SH3BP4: variants seen among roughly 807,000 people sequenced by gnomAD.
SH3BP4 encodes the protein SH3 domain binding protein 4, also known as SH3 domain-binding protein 4.
In SH3BP4, 33 loss-of-function variants were observed where a neutral mutation model predicts 65.5. The ratio of observed to expected loss-of-function variants is 0.50; its 90% CI spans 0.38 to 0.67. The LOEUF (loss-of-function observed/expected upper bound fraction) is 0.67, where lower values mean the gene tolerates loss of function less well. SH3BP4 is among the 30% of genes least tolerant of loss of function. The pLI, the probability that SH3BP4 is intolerant of heterozygous loss-of-function variation, is 0.00. For synonymous variants in SH3BP4, 552 were observed against 545.5 expected (o/e 1.01, Z -0.17); for missense variants, 1,134 against 1,261.4 (o/e 0.90, Z 1.53).
intron 1 of SH3BP4, among the ~76,000 whole-genome samples, chr2:234,956,064 A>G (rs1692580173): frequency 6.6e-6 from 1 of 152,184 alleles, no homozygotes; most frequent in Non-Finnish European, 1.5e-5. Flanking sequence ...CCCTCACACA[A>G]TTAGAAAATA....
At chr2:235,039,812 G>A (rs10803631) in intron 3 of SH3BP4, among the ~76,000 whole-genome samples, 32,988 of 152,174 alleles carry the variant, frequency 0.22, 5,146 homozygotes, top group East Asian at 0.42. Context: ...TTCACTTTTT[G>A]AAGGGTTGGA....
At chr2:235,008,489 G>A (rs930502915) in intron 2 of SH3BP4, 6 of 152,238 alleles carry the variant, frequency 3.9e-5, no homozygotes, top group African/African-American at 1.4e-4. Context: ...TCTCCTTGTA[G>A]GTGGTTATTT....
At chr2:235,012,709 C>G (rs529758029) in intron 2 of SH3BP4, among the ~76,000 whole-genome samples, 1 of 152,342 alleles carries the variant, frequency 6.6e-6, no homozygotes, top group South Asian at 2.1e-4. Flanking sequence ...TTACGCACAT[C>G]TAACCCTAAA....
At chr2:234,981,088 A>G (rs1228447586) in intron 1 of SH3BP4, among the ~76,000 whole-genome samples, 1 of 152,180 alleles carries the variant, frequency 6.6e-6, no homozygotes, top group Non-Finnish European at 1.5e-5. Context: ...CATTGCAGAC[A>G]CTGCATCCCG....
intron 2 of SH3BP4, among the ~76,000 whole-genome samples, chr2:235,011,239 C>T (rs1694494752): frequency 6.8e-6 from 1 of 147,074 alleles, no homozygotes; most frequent in Non-Finnish European, 1.5e-5. Flanking sequence ...GAGAACCCTT[C>T]CTCTCTCTCC....
intron 1 of SH3BP4, among the ~76,000 whole-genome samples, chr2:234,956,442 T>C (rs1362437276): frequency 1.3e-5 from 2 of 152,258 alleles, no homozygotes; most frequent in Non-Finnish European, 2.9e-5. Context: ...GAGCTCTCTT[T>C]GCTGAAGCCT....
chr2:234,973,434 G>A (rs1011691255), intron 1 of SH3BP4, among the ~76,000 whole-genome samples: 4 of 152,148 alleles, frequency 2.6e-5, no homozygotes, highest in African/African-American at 7.2e-5. Context: ...TAAGCAGTAT[G>A]TACAGCCTCA....
Position 235,035,873 on chromosome 2 carries a change from T to A in SH3BP4, c.118+753T>A, listed in dbSNP as rs1695362842. ...GCCACGTTCAGTCTCTCTCACATGCTCCTTTGGGGCTTGGCAGTTGCGGTG... is the reference window on the plus strand; with the variant it reads ...GCCACGTTCAGTCTCTCTCACATGCACCTTTGGGGCTTGGCAGTTGCGGTG... On this transcript the variant is annotated intron_variant, in intron 3 of 5. Coordinates refer to ENST00000392011, the MANE Select transcript of SH3BP4 (RefSeq NM_014521.3). This position sits in a 1 kb window ranked among gnomAD's most constrained non-coding sequence, Gnocchi z 5.0. Among the ~76,000 whole-genome samples, 1 of 152,220 alleles carries A rather than the reference T, an allele frequency of 6.6e-6. No homozygotes were observed.
intron 4 of SH3BP4, among the ~76,000 whole-genome samples, chr2:235,044,882 G>A (rs1695793752): frequency 6.6e-6 from 1 of 152,224 alleles, no homozygotes; most frequent in South Asian, 2.1e-4. Flanking sequence ...GGAGCCACGA[G>A]ATTGCCCAGG....
chr2:235,009,900 C>A (rs1013867236), intron 2 of SH3BP4, among the ~76,000 whole-genome samples: 3 of 152,092 alleles, frequency 2.0e-5, no homozygotes, highest in Non-Finnish European at 2.9e-5. Flanking sequence ...CCATGTCACC[C>A]CCAGGACCTT....
At chr2:234,989,945 C>T (rs11676401) in intron 1 of SH3BP4, among the ~76,000 whole-genome samples, 8 of 152,114 alleles carry the variant, frequency 5.3e-5, no homozygotes, top group African/African-American at 1.7e-4. Flanking sequence ...TTTTCAGCAC[C>T]AACGTGATGC....
Position 235,042,707 on chromosome 2 carries a change from G to T in SH3BP4, c.1938G>T (p.Pro646=). 6.2e-7 allele frequency: 1 copy of T among 1,614,202 alleles called. No homozygotes were observed. The highest frequency in any genetic ancestry group is 8.5e-7 in the Non-Finnish European group (1 of 1,180,038). ...CGTTTGCCACCACTACAAAGTACCC[G>T]ACTTTCCAGGACCGCCCGGTGTCCA... ...LSPFATTTKY[P]TFQDRPVSSL... is the part of the protein sequence containing the mutation. The change falls in exon 4 of 6, where the codon CCG becomes CCT. Residue 646 remains proline (P), a synonymous_variant. Transcript: ENST00000392011. This position sits in a 1 kb window ranked among gnomAD's most constrained non-coding sequence, Gnocchi z 7.3.
chr2:235,013,097 G>C (rs1053513495), intron 2 of SH3BP4, among the ~76,000 whole-genome samples: 4 of 152,218 alleles, frequency 2.6e-5, no homozygotes, highest in Admixed American at 6.5e-5. Context: ...TCTTTTCCCA[G>C]AATGAATCTT....
At chr2:234,999,215 T>G (rs999557296) in intron 2 of SH3BP4, among the ~76,000 whole-genome samples, 5 of 152,184 alleles carry the variant, frequency 3.3e-5, no homozygotes, top group African/African-American at 1.2e-4. Context: ...GAGAGGCTTG[T>G]TTTGTGGTGT....
chr2:234,990,549 G>A (rs1312471738), intron 1 of SH3BP4, among the ~76,000 whole-genome samples: 2 of 152,198 alleles, frequency 1.3e-5, no homozygotes, highest in Non-Finnish European at 2.9e-5. Flanking sequence ...AACTCATGCG[G>A]GTCTGGCCCT....
chr2:235,036,021 CCTAA>C (rs1263444547), intron 3 of SH3BP4, among the ~76,000 whole-genome samples: 2 of 152,208 alleles, frequency 1.3e-5, no homozygotes, highest in Non-Finnish European at 2.9e-5. Flanking sequence ...TCGGCCCCAG[CCTAA>C]AGTCAGTGCT....
intron 4 of SH3BP4, among the ~76,000 whole-genome samples, chr2:235,048,524 A>G (rs2106341888): frequency 6.6e-6 from 1 of 150,528 alleles, no homozygotes; most frequent in South Asian, 2.1e-4. Flanking sequence ...TCTGTAGTAG[A>G]GACAAGGTTT....
At position 235,042,282 on chromosome 2, in the gene SH3BP4, C is replaced by T; in HGVS notation, c.1513C>T (p.Leu505=). The T allele has an allele frequency of 1.2e-6, 2 of 1,614,212 alleles. No individual in the cohort carries two copies. Among genetic ancestry groups the T allele is most frequent in the East Asian group, 2.2e-5 (1 of 44,874 alleles). Residue 505 remains leucine (L), a synonymous_variant, in exon 4 of 6, where the codon CTG becomes TTG. Coordinates refer to ENST00000392011, the MANE Select transcript of SH3BP4 (RefSeq NM_014521.3). This position sits in a 1 kb window ranked among gnomAD's most constrained non-coding sequence, Gnocchi z 7.3. The part of the protein sequence containing the change: ...FGHDCAPKTL[L]VSEVTRQAPN... ...GCATGACTGTGCCCCAAAGACGCTC[C>T]TGGTCAGCGAGGTCACACGCCAGGC...
chr2:234,985,525 A>C (rs928059903), intron 1 of SH3BP4, among the ~76,000 whole-genome samples: 1 of 152,192 alleles, frequency 6.6e-6, no homozygotes, highest in African/African-American at 2.4e-5. Flanking sequence ...CAATGCACAC[A>C]GTCGTTTTTC....
Sources: gnomAD v4.1 joint callset for allele counts (sites outside exome capture counted in the v4.1 genomes callset) on GRCh38, gnomAD v4.1.1 for gene constraint, Gnocchi (gnomAD v3.1) non-coding constraint, MANE v1.5 for transcripts, NCBI Gene and HGNC (gene_info 2026-07-23, HGNC 2026-07-21) for gene names.